Variants in RPL13A observed in about 807,000 individuals in gnomAD.
RPL13A encodes large ribosomal subunit protein uL13.
A neutral mutation model predicts 30.8 loss-of-function variants in RPL13A; 4 were observed. The ratio of observed to expected loss-of-function variants is 0.13; its 90% CI spans 0.06 to 0.30. The LOEUF (loss-of-function observed/expected upper bound fraction) is 0.30. RPL13A is among the 10% of genes least tolerant of loss of function. RPL13A has a pLI of 1.00. For missense variants in RPL13A, 196 were observed against 272.6 expected (o/e 0.72, Z 1.98); for synonymous variants, 108 against 104.2 (o/e 1.04, Z -0.22).
At chr19:49,489,706 G>T (rs1325497241) in intron 1 of RPL13A, 144 bp from the exon 2 acceptor site, 1 of 710,810 alleles carries the variant, frequency 1.4e-6, no homozygotes, top group Non-Finnish European at 2.6e-6. Flanking sequence ...CTGTAGAACG[G>T]GGCTCCGTGC....
rs10425778 is a variant in RPL13A at position 49,492,120 on chromosome 19, C to G, written c.*305C>G. The G allele has an allele frequency of 1.4e-3, 518 of 358,248 alleles. 1 individual carries two copies. Among genetic ancestry groups the G allele is most frequent in the African/African-American group, 9.1e-3 (437 of 47,990 alleles). 22.2% of individuals were successfully genotyped at this position (358,248 alleles called of 1,614,324 possible). On this transcript the variant is annotated 3_prime_UTR_variant, in exon 8 of 8. Coordinates refer to ENST00000391857, the MANE Select transcript of RPL13A (RefSeq NM_012423.4). Reference sequence around the variant, plus strand: ...GTGAGTGGGGCATCTGTTGGACTTTCCACCTGGTCATATACTCTGCAGCTG... The same window carrying G: ...GTGAGTGGGGCATCTGTTGGACTTTGCACCTGGTCATATACTCTGCAGCTG...
In RPL13A at chr19:49,487,639, G is replaced by C; in HGVS notation, c.10G>C (p.Val4Leu). 1 of 1,571,314 alleles carries C rather than the reference G, an allele frequency of 6.4e-7. No homozygotes were observed. Among genetic ancestry groups the C allele is most frequent in the Non-Finnish European group, 8.6e-7 (1 of 1,159,352 alleles). ...CAAGCGGCTGCCGAAGATGGCGGAG[G>C]TGCAGGTATGGGCTCCGCGCGGGCC... is the stretch of plus-strand genomic sequence containing the variant. The part of the protein sequence containing the change: MAE[V>L]QVLVLDGRGH... The change falls in exon 1 of 8, where the codon GTG (valine) becomes CTG (leucine). Residue 4 changes from valine to leucine, a missense_variant. Coordinates refer to ENST00000391857, the MANE Select transcript of RPL13A (RefSeq NM_012423.4).
intron 1 of RPL13A, among the ~76,000 whole-genome samples, chr19:49,488,487 G>T (rs1237378614): frequency 6.6e-6 from 1 of 152,204 alleles, no homozygotes; most frequent in Non-Finnish European, 1.5e-5. Flanking sequence ...AGCACAGTTC[G>T]CAATGTTTTG....
rs775948641 is a variant in RPL13A, at chr19:49,491,067, C to T, written c.370C>T (p.Leu124Phe). 3 of 1,614,238 alleles carry T rather than the reference C, an allele frequency of 1.9e-6. No homozygotes were observed. Among genetic ancestry groups the T allele is most frequent in the Non-Finnish European group, 2.5e-6 (3 of 1,180,044 alleles). ...AAAGCGGATGGTGGTTCCTGCTGCC[C>T]TCAAGGTCGTGCGTCTGAAGCCTAC... The part of the protein sequence containing the change: ...KKKRMVVPAA[L>F]KVVRLKPTRK... Residue 124 changes from leucine to phenylalanine, a missense_variant, in exon 6 of 8, where the codon CTC (leucine) becomes TTC (phenylalanine). Physicochemically the swap from Leu to Phe is conservative, Grantham distance 22. Coordinates refer to ENST00000391857, the MANE Select transcript of RPL13A (RefSeq NM_012423.4).
intron 1 of RPL13A, among the ~76,000 whole-genome samples, chr19:49,489,110 C>A (rs2681568): frequency 0.051 from 7,708 of 152,276 alleles, 495 homozygotes; most frequent in African/African-American, 0.13. Flanking sequence ...ACTACTCTGC[C>A]TAATCTCATC....
Position 49,490,582 on chromosome 19 carries a change from C to A in RPL13A, c.256+6C>A. 2 of 1,614,002 alleles carry A rather than the reference C, an allele frequency of 1.2e-6. No individual in the cohort carries two copies. The highest frequency in any genetic ancestry group is 1.7e-6 in the Non-Finnish European group (2 of 1,179,862). On this transcript the variant is annotated splice_donor_region_variant and intron_variant, in intron 4 of 7. Coordinates refer to ENST00000391857, the MANE Select transcript of RPL13A (RefSeq NM_012423.4). ...CTTCTGGCGGACCGTGCGAGGTGAG[C>A]AGAGCGTGGGGACTGCAGGTGGTGA... is the stretch of plus-strand genomic sequence containing the variant.
chr19:49,489,373 C>T (rs1443703829), intron 1 of RPL13A, among the ~76,000 whole-genome samples: 1 of 151,900 alleles, frequency 6.6e-6, no homozygotes, highest in Non-Finnish European at 1.5e-5. Context: ...TGGTGGTGCG[C>T]GCCTGTAGTC....
intron 2 of RPL13A, 36 bp downstream of exon 2, chr19:49,489,958 C>A: frequency 6.6e-7 from 1 of 1,507,374 alleles, no homozygotes; most frequent in Non-Finnish European, 9.2e-7. Context: ...GTCATGGGCC[C>A]CCGCTGGAGG....
chr19:49,490,555 A>C lies in RPL13A; in HGVS notation c.235A>C (p.Ile79Leu), dbSNP rs1276593979. The C allele has an allele frequency of 6.2e-7, 1 of 1,614,022 alleles. No individual in the cohort carries two copies. The highest frequency in any genetic ancestry group is 8.5e-7 in the Non-Finnish European group (1 of 1,180,042). ...CTACCACTTCCGGGCCCCCAGCCGC[A>C]TCTTCTGGCGGACCGTGCGAGGTGA... The part of the protein sequence containing the change: ...GPYHFRAPSR[I>L]FWRTVRGMLP... Residue 79 changes from isoleucine (I) to leucine (L), a missense_variant, in exon 4 of 8, where the codon ATC becomes CTC. Ile to Leu is a conservative substitution (Grantham distance 5). Coordinates refer to ENST00000391857, the MANE Select transcript of RPL13A (RefSeq NM_012423.4).
rs777684401 is a variant in RPL13A at position 49,490,568 on chromosome 19, C to G, written c.248C>G (p.Thr83Ser). 6.8e-6 allele frequency: 11 copies of G among 1,614,182 alleles called. No individual in the cohort carries two copies. The highest frequency in any genetic ancestry group is 9.3e-6 in the Non-Finnish European group (11 of 1,180,038). Residue 83 changes from threonine to serine, a missense_variant, in exon 4 of 8, where the codon ACC (threonine) becomes AGC (serine). By Grantham distance (58) the Thr-to-Ser change is moderately conservative (BLOSUM62 1). Coordinates refer to ENST00000391857, the MANE Select transcript of RPL13A (RefSeq NM_012423.4). ...GCCCCCAGCCGCATCTTCTGGCGGA[C>G]CGTGCGAGGTGAGCAGAGCGTGGGG... ...FRAPSRIFWRTVRGMLPHKTK... is the reference protein window; with the variant it reads ...FRAPSRIFWRSVRGMLPHKTK...
Position 49,490,752 on chromosome 19 carries a change from C to T in RPL13A, c.257-27C>T, listed in dbSNP as rs756223362. On this transcript the variant is annotated intron_variant, in intron 4 of 7. Transcript: ENST00000391857. ...TGGGCATCCTTATGAGGCCCTCTGA[C>T]TGGGCCTGCTATCTGTCACCCAACA... The T allele has an allele frequency of 4.3e-6, 7 of 1,613,080 alleles. No individual in the cohort carries two copies. The South Asian group carries it at 5.5e-5, about 13-fold the overall frequency.
chr19:49,490,926 C>T (rs752002635), intron 5 of RPL13A, 62 bp downstream of exon 5: 7 of 1,604,602 alleles, frequency 4.4e-6, no homozygotes, highest in Non-Finnish European at 4.3e-6. Context: ...TGTTCCGCAA[C>T]TACCTACATT....
At chr19:49,491,403 C>CT in intron 6 of RPL13A, 22 bp from the exon 7 acceptor site, 1 of 88,472 alleles carries the variant, frequency 1.1e-5, no homozygotes, top group Non-Finnish European at 2.3e-5. Flanking sequence ...CATTTGTTCA[C>CT]CCCCCCCCCC....
intron 6 of RPL13A, 116 bp from the exon 7 acceptor site, chr19:49,491,309 T>C (rs759073402): frequency 1.4e-5 from 16 of 1,181,840 alleles, no homozygotes; most frequent in African/African-American, 8.8e-5. Flanking sequence ...AGTTGCATTA[T>C]GATATGCCCA....
intron 3 of RPL13A, 67 bp downstream of exon 3, chr19:49,490,364 A>T: frequency 1.3e-6 from 2 of 1,593,654 alleles, no homozygotes; most frequent in Non-Finnish European, 1.7e-6. Flanking sequence ...TCTGAAAGCA[A>T]TTGCAGCCGT....
At chr19:49,488,779 C>T (rs770421559) in intron 1 of RPL13A, among the ~76,000 whole-genome samples, 5 of 152,260 alleles carry the variant, frequency 3.3e-5, no homozygotes, top group Non-Finnish European at 7.3e-5. Flanking sequence ...GATCTTGGCT[C>T]ATTGCAACCT....
intron 2 of RPL13A, 88 bp downstream of exon 2, chr19:49,490,010 C>A (rs750938925): frequency 8.6e-7 from 1 of 1,168,176 alleles, no homozygotes; most frequent in Admixed American, 1.7e-5. Context: ...TTGAGTCTCA[C>A]GGCCATGAGA....
intron 1 of RPL13A, 23 bp downstream of exon 1, chr19:49,487,667 G>A (rs753705574): frequency 1.4e-5 from 22 of 1,520,066 alleles, no homozygotes; most frequent in South Asian, 2.5e-5. Context: ...CGCGGGCCGG[G>A]GCGGCAAGGG....
chr19:49,492,242 G>T lies in RPL13A; in HGVS notation c.*427G>T. ...AGACTGGGAAGATGCACAACCAAGG[G>T]GTTACAGGCATCGCCCATGCTCCTC... On this transcript the variant is annotated 3_prime_UTR_variant, in exon 8 of 8. Transcript: ENST00000391857. 1 of 165,774 alleles carries T rather than the reference G, an allele frequency of 6.0e-6. No individual in the cohort carries two copies. The highest frequency in any genetic ancestry group is 1.3e-5 in the Non-Finnish European group (1 of 75,680). The allele number at this position is 165,774 out of a possible 1,614,324, so 10.3% of individuals were successfully genotyped here.
Sources: allele counts gnomAD v4.1 joint callset (sites outside exome capture counted in the v4.1 genomes callset), GRCh38; gene constraint gnomAD v4.1.1; transcripts MANE v1.5; gene names NCBI Gene and HGNC (gene_info 2026-07-23, HGNC 2026-07-21).